The following CTIF variants were observed in gnomAD, a reference collection of about 807,000 sequenced individuals.
CTIF encodes the protein cap binding complex dependent translation initiation factor, also known as CBP80/20-dependent translation initiation factor.
A neutral mutation model predicts 66.0 loss-of-function variants in CTIF; 21 were observed. The observed-to-expected ratio is 0.32, with a 90% confidence interval of 0.23 to 0.46. CTIF has a LOEUF of 0.46. Among genes scored for constraint, CTIF ranks in the 20% least tolerant of loss-of-function variants. CTIF has a pLI of 1.00. For synonymous variants in CTIF, 345 were observed against 326.4 expected (o/e 1.06, Z -0.62); for missense variants, 739 against 812.7 (o/e 0.91, Z 1.10).
intron 3 of CTIF, among the ~76,000 whole-genome samples, chr18:48,663,046 C>T (rs986236551): frequency 3.9e-5 from 6 of 152,084 alleles, no homozygotes; most frequent in Admixed American, 6.6e-5. Flanking sequence ...GGTCATACGG[C>T]GTGCACACGT....
chr18:48,604,977 G>C (rs772429420), intron 1 of CTIF, among the ~76,000 whole-genome samples: 9 of 152,182 alleles, frequency 5.9e-5, no homozygotes, highest in Non-Finnish European at 1.0e-4. Context: ...TAATGGCTGA[G>C]TAATATTCCA....
intron 6 of CTIF, among the ~76,000 whole-genome samples, chr18:48,708,438 A>G (rs930284203): frequency 2.6e-5 from 4 of 152,214 alleles, no homozygotes; most frequent in Admixed American, 6.5e-5. Context: ...GGGGTTCTCA[A>G]TGGAGCTTGT....
In CTIF at chr18:48,862,045, T is replaced by TAA. The variant is rs1399755591; in HGVS notation, c.*2487_*2488dup. The TAA allele has an allele frequency of 2.6e-5, 4 of 151,532 alleles. No individual in the cohort carries two copies. Among genetic ancestry groups the TAA allele is most frequent in the African/African-American group, 9.8e-5 (4 of 40,904 alleles). The allele number at this position is 151,532 out of a possible 1,614,324, so 9.4% of individuals were successfully genotyped here. A position where few individuals can be genotyped will look rare whatever the true frequency, so the allele number is the denominator to read the frequency against. Reference sequence around the variant, plus strand: ...TTTTTCAGATATGGAAGGAAAACGTTAAGACTATTTTTTTTTTAAAGAAAC... The same window carrying TAA: ...TTTTTCAGATATGGAAGGAAAACGTTAAAAGACTATTTTTTTTTTAAAGAAAC... On this transcript the variant is annotated 3_prime_UTR_variant, in exon 12 of 12. Transcript: ENST00000256413.
chr18:48,807,482 T>A, intron 9 of CTIF, among the ~76,000 whole-genome samples: 1 of 152,190 alleles, frequency 6.6e-6, no homozygotes, highest in Non-Finnish European at 1.5e-5. Context: ...GATGAGATTA[T>A]ATGGTAAATG....
chr18:48,754,953 C>T (rs376616045), intron 7 of CTIF, among the ~76,000 whole-genome samples: 5 of 152,232 alleles, frequency 3.3e-5, no homozygotes, highest in Non-Finnish European at 2.9e-5. Context: ...CTTCCTTCCC[C>T]CTCCAGGTAG....
At chr18:48,584,470 C>T (rs934742418) in intron 1 of CTIF, among the ~76,000 whole-genome samples, 23 of 152,276 alleles carry the variant, frequency 1.5e-4, no homozygotes, top group African/African-American at 4.3e-4. Flanking sequence ...CTTATCAAAA[C>T]GCTGATTTCT....
chr18:48,800,798 C>T (rs1343673408), intron 9 of CTIF, among the ~76,000 whole-genome samples: 1 of 152,250 alleles, frequency 6.6e-6, no homozygotes, highest in Non-Finnish European at 1.5e-5. Flanking sequence ...CAGAGTGCCT[C>T]ACCCAGGCCT....
At chr18:48,727,443 T>G (rs2092395878) in intron 7 of CTIF, among the ~76,000 whole-genome samples, 1 of 152,236 alleles carries the variant, frequency 6.6e-6, no homozygotes, top group African/African-American at 2.4e-5. Flanking sequence ...GTTGCTCAGA[T>G]AGCTTCCTGC....
intron 10 of CTIF, among the ~76,000 whole-genome samples, chr18:48,830,986 T>C (rs2068680306): frequency 6.6e-6 from 1 of 152,066 alleles, no homozygotes; most frequent in Non-Finnish European, 1.5e-5. Context: ...GGAAGTAGAG[T>C]GCCTAGACTG....
intron 9 of CTIF, among the ~76,000 whole-genome samples, chr18:48,794,033 C>CT (rs397827872): frequency 1.3e-5 from 2 of 152,174 alleles, no homozygotes; most frequent in East Asian, 3.9e-4. Context: ...CCCATCTCCC[C>CT]AGGGGAGGCG....
chr18:48,579,484 G>GCAAT (rs2089606754), intron 1 of CTIF, among the ~76,000 whole-genome samples: 1 of 152,182 alleles, frequency 6.6e-6, no homozygotes, highest in Admixed American at 6.5e-5. Context: ...AGTTGTCTCA[G>GCAAT]CAATATTTGT....
intron 1 of CTIF, among the ~76,000 whole-genome samples, chr18:48,545,881 C>G (rs1321759763): frequency 1.3e-5 from 2 of 151,892 alleles, no homozygotes; most frequent in Non-Finnish European, 2.9e-5. Context: ...GTCATGCCGG[C>G]CGCTGTCGTC....
At chr18:48,585,243 G>A (rs2089741947) in intron 1 of CTIF, among the ~76,000 whole-genome samples, 1 of 152,244 alleles carries the variant, frequency 6.6e-6, no homozygotes, top group South Asian at 2.1e-4. Context: ...GATCGTGCAA[G>A]AAAATCTATC....
At chr18:48,572,455 G>A (rs1164846107) in intron 1 of CTIF, among the ~76,000 whole-genome samples, 1 of 152,154 alleles carries the variant, frequency 6.6e-6, no homozygotes, top group African/African-American at 2.4e-5. Context: ...CGGAGGTAAA[G>A]ATGAGTCCTC....
At chr18:48,638,590 C>T (rs177259) in intron 3 of CTIF, among the ~76,000 whole-genome samples, 10,183 of 152,096 alleles carry the variant, frequency 0.067, 459 homozygotes, top group Non-Finnish European at 0.094. Context: ...ATAATATGGG[C>T]CCATGGAGCA....
At chr18:48,599,491 A>G (rs2090051017) in intron 1 of CTIF, among the ~76,000 whole-genome samples, 3 of 152,162 alleles carry the variant, frequency 2.0e-5, no homozygotes, top group Admixed American at 1.3e-4. Flanking sequence ...ATTTTCATGT[A>G]GTTGAGATTT....
At chr18:48,581,575 C>T (rs186313176) in intron 1 of CTIF, among the ~76,000 whole-genome samples, 188 of 152,246 alleles carry the variant, frequency 1.2e-3, no homozygotes, top group East Asian at 8.7e-3. Context: ...GCTAGGGAAG[C>T]GAGTGCTTTC....
At chr18:48,595,417 A>T (rs535202244) in intron 1 of CTIF, among the ~76,000 whole-genome samples, 9 of 152,164 alleles carry the variant, frequency 5.9e-5, no homozygotes, top group African/African-American at 2.2e-4. Context: ...ACGTACATTT[A>T]TTTTTTAATT....
intron 9 of CTIF, among the ~76,000 whole-genome samples, chr18:48,806,754 G>T (rs1326836240): frequency 1.3e-5 from 2 of 152,216 alleles, no homozygotes; most frequent in Non-Finnish European, 2.9e-5. Context: ...CCATGCCAGA[G>T]CTCATGTGGT....
Sources: allele counts gnomAD v4.1 joint callset (sites outside exome capture counted in the v4.1 genomes callset), GRCh38; gene constraint gnomAD v4.1.1; transcripts MANE v1.5; gene names NCBI Gene and HGNC (gene_info 2026-07-23, HGNC 2026-07-21).